The following SMYD3 variants were observed in gnomAD, a reference collection of about 807,000 sequenced individuals.
The protein encoded by SMYD3 is SET and MYND domain containing 3, also known as histone-lysine N-methyltransferase SMYD3.
SMYD3 carries 36 observed loss-of-function variants against 57.7 expected under a neutral mutation model. The ratio of observed to expected loss-of-function variants is 0.62; its 90% CI spans 0.48 to 0.82. SMYD3 has a LOEUF of 0.82. SMYD3 is among the 40% of genes least tolerant of loss of function. The pLI, the probability that SMYD3 is intolerant of heterozygous loss-of-function variation, is 0.00. For missense variants in SMYD3, 515 were observed against 538.8 expected, an observed-to-expected ratio of 0.96 and a Z score of 0.44; for synonymous variants, 211 against 195.0, an observed-to-expected ratio of 1.08 and a Z score of -0.68.
At chr1:246,392,106 C>CTT (rs948429976) in intron 1 of SMYD3, among the ~76,000 whole-genome samples, 2 of 151,550 alleles carry the variant, frequency 1.3e-5, no homozygotes, top group African/African-American at 2.4e-5. Context: ...GACTTTCATC[C>CTT]TTTTTTTTTC....
intron 1 of SMYD3, among the ~76,000 whole-genome samples, chr1:246,421,620 A>C (rs2067144028): frequency 6.6e-6 from 1 of 152,228 alleles, no homozygotes; most frequent in Non-Finnish European, 1.5e-5. Context: ...AAAGACTAAA[A>C]ACCATCTACA....
chr1:245,798,478 AACACACC>A lies in SMYD3; in HGVS notation c.1077-34336_1077-34330del, dbSNP rs2047691797. Among the ~76,000 whole-genome samples, 4 of 35,534 alleles carry A rather than the reference AACACACC, an allele frequency of 1.1e-4. No homozygotes were observed. In the South Asian group the frequency reaches 5.1e-3, roughly 46 times the overall value. The allele number at this position is 35,534 out of a possible 152,430, so 23.3% of individuals were successfully genotyped here. A position where few individuals can be genotyped will look rare whatever the true frequency, so the allele number is the denominator to read the frequency against. ...TGCACACACATACACACACATACAC[AACACACC>A]ACACACACACACACACACACCTTGA... On this transcript the variant is annotated intron_variant, in intron 10 of 11. Transcript: ENST00000490107.
At chr1:245,934,253 A>G (rs969442863) in intron 5 of SMYD3, among the ~76,000 whole-genome samples, 2 of 152,214 alleles carry the variant, frequency 1.3e-5, no homozygotes, top group African/African-American at 4.8e-5. Flanking sequence ...GAAAAACTGG[A>G]AGGAGGAAGA....
At chr1:246,304,618 C>G (rs1410173109) in intron 5 of SMYD3, among the ~76,000 whole-genome samples, 1 of 152,168 alleles carries the variant, frequency 6.6e-6, no homozygotes, top group African/African-American at 2.4e-5. Flanking sequence ...AATCCACTTA[C>G]TAGCACTGCT....
At chr1:246,334,766 T>C (rs951792990) in intron 3 of SMYD3, among the ~76,000 whole-genome samples, 1 of 152,186 alleles carries the variant, frequency 6.6e-6, no homozygotes, top group Non-Finnish European at 1.5e-5. Context: ...TAAAGAATTA[T>C]AAATTAACTG....
chr1:246,348,077 T>TATATATATAC lies in SMYD3; in HGVS notation c.228+6953_228+6954insGTATATATAT. Among the ~76,000 whole-genome samples, 88 of 86,484 alleles carry TATATATATAC rather than the reference T, an allele frequency of 1.0e-3. 8 individuals are homozygous for TATATATATAC. Among genetic ancestry groups the TATATATATAC allele is most frequent in the South Asian group, 1.3e-3 (4 of 3,064 alleles). 56.7% of individuals were successfully genotyped at this position (86,484 alleles called of 152,430 possible). On this transcript the variant is annotated intron_variant, in intron 2 of 11. Coordinates refer to ENST00000490107, the MANE Select transcript of SMYD3 (RefSeq NM_001167740.2). The stretch of plus-strand genomic sequence containing the variant: ...AGAAAACGTTATATATATATATATA[T>TATATATATAC]ACACACACACCATCAAATACTATGA...
chr1:246,132,520 A>T (rs939426022), intron 5 of SMYD3, among the ~76,000 whole-genome samples: 4 of 152,118 alleles, frequency 2.6e-5, no homozygotes, highest in African/African-American at 9.7e-5. Flanking sequence ...AAAAGACCTA[A>T]AACTATAAAA....
chr1:246,160,541 G>C (rs187816388), intron 5 of SMYD3, among the ~76,000 whole-genome samples: 294 of 152,298 alleles, frequency 1.9e-3, no homozygotes, highest in African/African-American at 6.8e-3. Context: ...GCCCAGAGCC[G>C]AAGGATGTTT....
At chr1:245,793,533 G>A (rs565106463) in intron 10 of SMYD3, among the ~76,000 whole-genome samples, 3 of 152,024 alleles carry the variant, frequency 2.0e-5, no homozygotes, top group Admixed American at 2.0e-4. Flanking sequence ...GCCACCCAGA[G>A]GTCCACATCT....
At chr1:246,333,591 G>A (rs558183560) in intron 3 of SMYD3, among the ~76,000 whole-genome samples, 4 of 152,110 alleles carry the variant, frequency 2.6e-5, no homozygotes, top group South Asian at 2.1e-4. Context: ...CTGGACAAAG[G>A]GCCACCACAG....
chr1:246,229,540 T>C (rs1455701394), intron 5 of SMYD3, among the ~76,000 whole-genome samples: 5 of 152,216 alleles, frequency 3.3e-5, no homozygotes, highest in African/African-American at 9.6e-5. Context: ...TGCACTACCA[T>C]AGTCTGTTTT....
At chr1:246,325,298 T>TG (rs1165976997) in intron 5 of SMYD3, among the ~76,000 whole-genome samples, 3 of 11,050 alleles carry the variant, frequency 2.7e-4, no homozygotes, top group Non-Finnish European at 5.0e-4. Flanking sequence ...GAGAAGGAGT[T>TG]GGGGGGGCGG....
intron 8 of SMYD3, among the ~76,000 whole-genome samples, chr1:245,874,672 C>T (rs745813384): frequency 7.2e-5 from 11 of 151,870 alleles, no homozygotes; most frequent in African/African-American, 1.7e-4. Context: ...TGTCGCTGTT[C>T]GAGGGAAAGA....
At chr1:246,312,724 A>C (rs537491471) in intron 5 of SMYD3, among the ~76,000 whole-genome samples, 1 of 152,334 alleles carries the variant, frequency 6.6e-6, no homozygotes, top group East Asian at 1.9e-4. Context: ...AGGCAAGTAA[A>C]GCCATGGCAG....
rs762638036 is a variant in SMYD3 at position 245,915,544 on chromosome 1, G to T, written c.799C>A (p.Gln267Lys). 1 of 1,612,876 alleles carries T rather than the reference G, an allele frequency of 6.2e-7. No individual in the cohort carries two copies. The change falls in exon 8 of 12, where the codon CAA becomes AAA. Residue 267 changes from glutamine (Q) to lysine (K), a missense_variant. Coordinates refer to ENST00000490107, the MANE Select transcript of SMYD3 (RefSeq NM_001167740.2). ...ATACTACATACCTTGTCCTGGGTTT[G>T]GCAACGGAAACAGTCACATTCAAAG... ...YCFECDCFRC[Q>K]TQDKDADMLT...
intron 1 of SMYD3, among the ~76,000 whole-genome samples, chr1:246,442,030 A>T (rs1047864319): frequency 3.3e-5 from 5 of 152,272 alleles, no homozygotes; most frequent in African/African-American, 9.6e-5. Flanking sequence ...TAATAGAGAC[A>T]CACTCTCAAG....
chr1:245,810,657 C>T (rs2048409927), intron 10 of SMYD3, among the ~76,000 whole-genome samples: 1 of 152,100 alleles, frequency 6.6e-6, no homozygotes, highest in South Asian at 2.1e-4. Flanking sequence ...GTGTGAGGAG[C>T]GTGGAAAAGG....
At chr1:245,770,420 A>T (rs1483323009) in intron 10 of SMYD3, among the ~76,000 whole-genome samples, 1 of 152,244 alleles carries the variant, frequency 6.6e-6, no homozygotes, top group Non-Finnish European at 1.5e-5. Flanking sequence ...ACTACAATCT[A>T]TCTAGGTATA....
intron 8 of SMYD3, among the ~76,000 whole-genome samples, chr1:245,909,007 C>T (rs1160894491): frequency 2.0e-5 from 3 of 150,796 alleles, no homozygotes; most frequent in Non-Finnish European, 3.0e-5. Context: ...CAATACAATA[C>T]AAAAGATCAA....
Sources: allele counts gnomAD v4.1 joint callset (sites outside exome capture counted in the v4.1 genomes callset), GRCh38; gene constraint gnomAD v4.1.1; transcripts MANE v1.5; gene names NCBI Gene and HGNC (gene_info 2026-07-23, HGNC 2026-07-21).